The following TRAPPC13 variants were observed in gnomAD, a reference collection of about 807,000 sequenced individuals.
The protein encoded by TRAPPC13 is REV7-interacting novel NHEJ regulator 1.
TRAPPC13 carries 39 observed loss-of-function variants against 54.0 expected under a neutral mutation model. The ratio of observed to expected loss-of-function variants is 0.72; its 90% confidence interval spans 0.56 to 0.94. The LOEUF is 0.94. TRAPPC13 is among the 40% of genes least tolerant of loss of function. The pLI is 0.00. For missense variants in TRAPPC13, 386 were observed against 488.1 expected (o/e 0.79, Z 1.97); for synonymous variants, 148 against 167.7 (o/e 0.88, Z 0.91).
rs140435756 is a variant in TRAPPC13, at chr5:65,633,932, A to ATT, written c.47-1361_47-1360dup. ...TTTTTAACTTCTAATCCTTTAATTG[A>ATT]TTTTTTTTTGTCAAGAGGTTGTTTT... On this transcript the variant is annotated intron_variant, in intron 1 of 12. Coordinates refer to ENST00000399438, the MANE Select transcript of TRAPPC13 (RefSeq NM_024941.4). Among the ~76,000 whole-genome samples, 19 of 102,448 alleles carry ATT rather than the reference A, an allele frequency of 1.9e-4. No homozygotes were observed. In the South Asian group the frequency reaches 3.1e-3, roughly 17 times the overall value. 67.2% of individuals were successfully genotyped at this position (102,448 alleles called of 152,430 possible).
intron 2 of TRAPPC13, among the ~76,000 whole-genome samples, chr5:65,635,718 C>G (rs1003447365): frequency 6.6e-6 from 1 of 151,350 alleles, no homozygotes; most frequent in Admixed American, 6.6e-5. Context: ...AGTATATTTT[C>G]TATCTCATGA....
chr5:65,662,815 TAGAA>T (rs1400286409), intron 11 of TRAPPC13: 2 of 152,176 alleles, frequency 1.3e-5, no homozygotes, highest in African/African-American at 4.8e-5. Flanking sequence ...TTTTTGGTAT[TAGAA>T]AGATAGGAAA....
At chr5:65,659,303 G>T (rs62367740) in intron 9 of TRAPPC13, among the ~76,000 whole-genome samples, 11,265 of 152,192 alleles carry the variant, frequency 0.074, 426 homozygotes, top group East Asian at 0.099. Context: ...ACTATATTAT[G>T]CAAAATAGTT....
At chr5:65,647,286 C>A in intron 5 of TRAPPC13, 104 bp downstream of exon 5, 1 of 981,882 alleles carries the variant, frequency 1.0e-6, no homozygotes, top group Non-Finnish European at 1.5e-6. Context: ...GAACCTACTT[C>A]AAAAGGAATT....
rs558175197 is a variant in TRAPPC13, at chr5:65,660,793, G to A, written c.793G>A (p.Ala265Thr). The A allele has an allele frequency of 9.9e-6, 16 of 1,613,722 alleles. No homozygotes were observed. In the East Asian group the frequency reaches 3.3e-4, roughly 34 times the overall value. ...LKPKNEFAEK[A>T]GIIKGVTVIG... ...GCCAAAGAATGAATTTGCAGAAAAA[G>A]CAGGCATCATTAAGGGAGTAACAGT... is the stretch of plus-strand genomic sequence containing the variant. Residue 265 changes from alanine to threonine, a missense_variant, in exon 10 of 13, where the codon GCA becomes ACA. Coordinates refer to ENST00000399438, the MANE Select transcript of TRAPPC13 (RefSeq NM_024941.4).
At chr5:65,642,553 T>C (rs976551959) in intron 4 of TRAPPC13, among the ~76,000 whole-genome samples, 1 of 152,204 alleles carries the variant, frequency 6.6e-6, no homozygotes, top group Non-Finnish European at 1.5e-5. Flanking sequence ...TACCATTTTT[T>C]AGCTAGGAAT....
At chr5:65,648,075 A>G (rs1325034946) in intron 5 of TRAPPC13, among the ~76,000 whole-genome samples, 1 of 152,094 alleles carries the variant, frequency 6.6e-6, no homozygotes, top group Non-Finnish European at 1.5e-5. Flanking sequence ...TGTTTTACAA[A>G]GCTCTCTGCA....
At chr5:65,638,115 T>TC (rs1288406680) in intron 4 of TRAPPC13, among the ~76,000 whole-genome samples, 28 of 121,612 alleles carry the variant, frequency 2.3e-4, no homozygotes, top group African/African-American at 8.1e-4. Context: ...AGAGTTAGAC[T>TC]CCATCTCAAA....
At chr5:65,648,641 T>C (rs1756300017) in intron 5 of TRAPPC13, among the ~76,000 whole-genome samples, 2 of 152,304 alleles carry the variant, frequency 1.3e-5, no homozygotes, top group East Asian at 1.9e-4. Flanking sequence ...AAGGCATGTA[T>C]TGTGCTTTGA....
intron 6 of TRAPPC13, among the ~76,000 whole-genome samples, chr5:65,651,678 G>A (rs1007759891): frequency 3.3e-5 from 5 of 150,318 alleles, no homozygotes; most frequent in East Asian, 2.0e-4. Context: ...TGAATACCAC[G>A]TATGTCTATT....
At chr5:65,638,024 C>G (rs1030109840) in intron 4 of TRAPPC13, among the ~76,000 whole-genome samples, 3 of 148,024 alleles carry the variant, frequency 2.0e-5, no homozygotes, top group African/African-American at 7.5e-5. Context: ...GAGGCTAAGG[C>G]AGGAGAGGCT....
chr5:65,631,358 C>G (rs908565055), intron 1 of TRAPPC13, among the ~76,000 whole-genome samples: 1 of 152,074 alleles, frequency 6.6e-6, no homozygotes, highest in Non-Finnish European at 1.5e-5. Flanking sequence ...AATGGAAGCC[C>G]ACTAATTTTT....
At position 65,660,682 on chromosome 5, in the gene TRAPPC13, G is replaced by A. The variant is rs989355550; in HGVS notation, c.699-17G>A. 1 of 1,558,080 alleles carries A rather than the reference G, an allele frequency of 6.4e-7. No homozygotes were observed. Reference sequence around the variant, plus strand: ...ATGCTAGAGAATTTTCTCCGTCTCTGTCTCCACCCCTCTCAGTGTGTCTAC... The same window carrying A: ...ATGCTAGAGAATTTTCTCCGTCTCTATCTCCACCCCTCTCAGTGTGTCTAC... On this transcript the variant is annotated splice_polypyrimidine_tract_variant and intron_variant, in intron 9 of 12. Coordinates refer to ENST00000399438, the MANE Select transcript of TRAPPC13 (RefSeq NM_024941.4).
chr5:65,634,982 T>G (rs1737520764), intron 1 of TRAPPC13: 1 of 888,338 alleles, frequency 1.1e-6, no homozygotes, highest in Non-Finnish European at 1.3e-6. Context: ...AGAATTTTTT[T>G]AAAGCCTTAT....
chr5:65,644,356 C>T (rs1380378054), intron 4 of TRAPPC13, among the ~76,000 whole-genome samples: 1 of 152,128 alleles, frequency 6.6e-6, no homozygotes, highest in Middle Eastern at 3.2e-3. Context: ...ATACCAAACT[C>T]TTAGTGTCCT....
At chr5:65,637,325 CAA>C (rs1309836572) in intron 3 of TRAPPC13, among the ~76,000 whole-genome samples, 1 of 152,174 alleles carries the variant, frequency 6.6e-6, no homozygotes, top group Non-Finnish European at 1.5e-5. Context: ...TAGTGATTCT[CAA>C]ACAGATTATT....
intron 4 of TRAPPC13, 90 bp from the exon 5 acceptor site, chr5:65,646,964 AT>A: frequency 1.7e-6 from 2 of 1,189,842 alleles, no homozygotes; most frequent in South Asian, 1.8e-5. Flanking sequence ...CCTAATTCTT[AT>A]TCCCCTATTC....
chr5:65,638,146 G>T (rs938262444), intron 4 of TRAPPC13, among the ~76,000 whole-genome samples: 9 of 150,818 alleles, frequency 6.0e-5, no homozygotes, highest in South Asian at 2.1e-4. Context: ...AGAAAAAAAG[G>T]TTTTTTTATA....
chr5:65,643,788 G>T (rs1029829642), intron 4 of TRAPPC13, among the ~76,000 whole-genome samples: 6 of 141,444 alleles, frequency 4.2e-5, no homozygotes, highest in African/African-American at 1.6e-4. Context: ...CTGCACTCCA[G>T]CCTGGGCGAC....
Sources: allele counts gnomAD v4.1 joint callset (sites outside exome capture counted in the v4.1 genomes callset), GRCh38; gene constraint gnomAD v4.1.1; transcripts MANE v1.5; gene names NCBI Gene and HGNC (gene_info 2026-07-23, HGNC 2026-07-21).